PFKFB3: variants seen among roughly 807,000 people sequenced by gnomAD.
PFKFB3 encodes 6-phosphofructo-2-kinase/fructose-2,6-bisphosphatase 3.
A neutral mutation model predicts 68.0 loss-of-function variants in PFKFB3; 33 were observed. That is an observed-to-expected ratio of 0.49 (90% CI 0.37 to 0.65). PFKFB3 has a LOEUF of 0.65. Among genes scored for constraint, PFKFB3 ranks in the 30% least tolerant of loss-of-function variants. The probability of loss-of-function intolerance (pLI) is 0.00; values close to 1 mark genes in which losing one functional copy is unlikely to be tolerated. For missense variants in PFKFB3, 586 were observed against 712.2 expected (o/e 0.82, Z 2.02); for synonymous variants, 315 against 288.2 (o/e 1.09, Z -0.94).
At chr10:6,240,578 A>T (rs906667646) in intron 14 of PFKFB3, among the ~76,000 whole-genome samples, 1 of 151,964 alleles carries the variant, frequency 6.6e-6, no homozygotes, top group African/African-American at 2.4e-5. Context: ...ATAATTTTAG[A>T]TTTACAGAAG....
the PFKFB3 span, among the ~76,000 whole-genome samples, chr10:6,312,129 T>C: frequency 6.6e-6 from 1 of 152,108 alleles, no homozygotes; most frequent in Non-Finnish European, 1.5e-5. Flanking sequence ...TGCTTAGCTC[T>C]GGCCTCCGGG....
chr10:6,169,284 G>T (rs1842233530), intron 1 of PFKFB3, among the ~76,000 whole-genome samples: 1 of 152,176 alleles, frequency 6.6e-6, no homozygotes, highest in Admixed American at 6.5e-5. Context: ...TGGGTGGCAG[G>T]TGCACCTACC....
chr10:6,188,978 G>A (rs923808700), intron 1 of PFKFB3, among the ~76,000 whole-genome samples: 15 of 151,906 alleles, frequency 9.9e-5, no homozygotes, highest in Non-Finnish European at 1.8e-4. Context: ...GGGACTACAG[G>A]CGCCCGCCAC....
chr10:6,278,184 G>A, the PFKFB3 span, among the ~76,000 whole-genome samples: 22 of 152,190 alleles, frequency 1.4e-4, no homozygotes, highest in Non-Finnish European at 3.1e-4. Flanking sequence ...CCAAAGTGCT[G>A]GGATTACAGG....
chr10:6,221,545 G>A lies in PFKFB3; in HGVS notation c.978+18G>A, dbSNP rs2131985048. The A allele has an allele frequency of 6.2e-7, 1 of 1,612,718 alleles. No individual in the cohort carries two copies. The highest frequency in any genetic ancestry group is 1.1e-5 in the South Asian group (1 of 91,050). On this transcript the variant is annotated intron_variant, in intron 9 of 14. Transcript: ENST00000379775. ...TCGACGCGGTGAGTCCTGGGAGGCG[G>A]GCAGGCAGCCTCACCCTCGGGCATG... is the stretch of plus-strand genomic sequence containing the variant.
chr10:6,243,295 G>A (rs1466999190), intron 14 of PFKFB3, among the ~76,000 whole-genome samples: 1 of 152,200 alleles, frequency 6.6e-6, no homozygotes, highest in Non-Finnish European at 1.5e-5. Flanking sequence ...ACAACATATT[G>A]AGAATATTTT....
At chr10:6,307,105 C>T in the PFKFB3 span, among the ~76,000 whole-genome samples, 3 of 152,130 alleles carry the variant, frequency 2.0e-5, no homozygotes, top group African/African-American at 4.8e-5. Context: ...AAGAGGGAAT[C>T]CTCCAGCAGG....
In PFKFB3 at chr10:6,215,126, T is replaced by A. The variant is rs1203005438; in HGVS notation, c.203-95T>A. ...CTCATTCAAGTCGGTGTGGTTGGCCTGGTGGCTCTTCCTTTGGTCGATCCT... is the reference window on the plus strand; with the variant it reads ...CTCATTCAAGTCGGTGTGGTTGGCCAGGTGGCTCTTCCTTTGGTCGATCCT... On this transcript the variant is annotated intron_variant, in intron 2 of 14. Transcript: ENST00000379775. This position sits in a 1 kb window ranked among gnomAD's most constrained non-coding sequence, Gnocchi z 4.3. 4.0e-6 allele frequency: 4 copies of A among 1,009,596 alleles called. No homozygotes were observed. Among genetic ancestry groups the A allele is most frequent in the Non-Finnish European group, 6.2e-6 (4 of 647,472 alleles). 62.5% of individuals were successfully genotyped at this position (1,009,596 alleles called of 1,614,324 possible).
At chr10:6,150,707 C>A (rs1841547288) in intron 1 of PFKFB3, among the ~76,000 whole-genome samples, 1 of 151,926 alleles carries the variant, frequency 6.6e-6, no homozygotes, top group East Asian at 1.9e-4. Flanking sequence ...AAAATAAAGA[C>A]AATACCCAGG....
At chr10:6,262,322 G>C in the PFKFB3 span, among the ~76,000 whole-genome samples, 223 of 150,622 alleles carry the variant, frequency 1.5e-3, no homozygotes, top group Admixed American at 3.2e-3. Context: ...GGTGGGGTGG[G>C]GGGTGCCTGT....
In PFKFB3 at chr10:6,213,660, C is replaced by T. The variant is rs779499668; in HGVS notation, c.114C>T (p.Ile38=). ...AGCTGACCAACTCCCCCACCGTCAT[C>T]GTCATGGTGGGCCTCCCCGCCCGGG... is the stretch of plus-strand genomic sequence containing the variant. ...GPKLTNSPTV[I]VMVGLPARGK... is the part of the protein sequence containing the mutation. The change falls in exon 2 of 15, where the codon ATC becomes ATT. Residue 38 remains isoleucine, a synonymous_variant. Coordinates refer to ENST00000379775, the MANE Select transcript of PFKFB3 (RefSeq NM_004566.4). The T allele has an allele frequency of 9.3e-6, 15 of 1,613,166 alleles. No individual in the cohort carries two copies. The highest frequency in any genetic ancestry group is 8.8e-5 in the South Asian group (8 of 90,808).
At chr10:6,317,408 A>T in the PFKFB3 span, among the ~76,000 whole-genome samples, 1 of 152,206 alleles carries the variant, frequency 6.6e-6, no homozygotes, top group Non-Finnish European at 1.5e-5. Flanking sequence ...ATTGGAATAG[A>T]GAAAAGCTGG....
At chr10:6,230,826 C>T (rs1438606337) in intron 14 of PFKFB3, among the ~76,000 whole-genome samples, 6 of 152,060 alleles carry the variant, frequency 3.9e-5, no homozygotes. Flanking sequence ...AGCGATTCTC[C>T]TGCCTCAACC....
At chr10:6,286,699 T>C in the PFKFB3 span, among the ~76,000 whole-genome samples, 10,787 of 152,330 alleles carry the variant, frequency 0.071, 499 homozygotes, top group Middle Eastern at 0.16. Flanking sequence ...TTAACTGGTG[T>C]ATTTAGACCA....
intron 14 of PFKFB3, chr10:6,226,570 C>T (rs1845374616): frequency 1.8e-6 from 1 of 563,594 alleles, no homozygotes; most frequent in South Asian, 2.2e-5. Flanking sequence ...AGGAAGCACC[C>T]TCCGAAGTTA....
At chr10:6,171,507 C>T (rs543288320) in intron 1 of PFKFB3, among the ~76,000 whole-genome samples, 11 of 151,994 alleles carry the variant, frequency 7.2e-5, no homozygotes, top group Admixed American at 1.3e-4. Context: ...GGAATCCTCC[C>T]GGCTCAGCCT....
At chr10:6,306,720 C>G in the PFKFB3 span, among the ~76,000 whole-genome samples, 17 of 152,244 alleles carry the variant, frequency 1.1e-4, no homozygotes, top group African/African-American at 4.1e-4. Flanking sequence ...CATGGAAGGC[C>G]GTGTCCTGGG....
rs539986521 is a variant in PFKFB3, at chr10:6,193,248, G to A, written c.17-20375G>A. ...CGCCCATAATCCCAGATACTCGGGA[G>A]GCTGAAGTGGGAGGACAGTTTGAGC... On this transcript the variant is annotated intron_variant, in intron 1 of 14. Transcript: ENST00000379789. 1.1e-4 allele frequency among the ~76,000 whole-genome samples: 17 copies of A among 152,296 alleles called. No individual in the cohort carries two copies. The South Asian group carries it at 3.5e-3, about 32-fold the overall frequency.
rs530694149 is a variant in PFKFB3 at position 6,217,281 on chromosome 10, G to A, written c.498+90G>A. ...GGAAGTGGGGGACCGGGTCCGGCTCGGAAGCGCAGCTGAGCCCTTAGGATG... is the reference window on the plus strand; with the variant it reads ...GGAAGTGGGGGACCGGGTCCGGCTCAGAAGCGCAGCTGAGCCCTTAGGATG... On this transcript the variant is annotated intron_variant, in intron 6 of 14. Coordinates refer to ENST00000379775, the MANE Select transcript of PFKFB3 (RefSeq NM_004566.4). The A allele has an allele frequency of 1.9e-4, 213 of 1,124,642 alleles. 2 individuals are homozygous for A. Among genetic ancestry groups the A allele is most frequent in the African/African-American group, 1.7e-3 (112 of 65,800 alleles). The allele number at this position is 1,124,642 out of a possible 1,614,324, so 69.7% of individuals were successfully genotyped here.
Sources: allele counts gnomAD v4.1 joint callset (sites outside exome capture counted in the v4.1 genomes callset), GRCh38; gene constraint gnomAD v4.1.1; non-coding constraint Gnocchi (gnomAD v3.1); transcripts MANE v1.5; gene names NCBI Gene and HGNC (gene_info 2026-07-23, HGNC 2026-07-21).